The following MCM3 variants were observed in gnomAD, a reference collection of about 807,000 sequenced individuals.
MCM3 encodes the protein DNA replication licensing factor MCM3.
In MCM3, 59 loss-of-function variants were observed where a neutral mutation model predicts 91.3. That is an observed-to-expected ratio of 0.65 (90% CI 0.52 to 0.80). MCM3 has a LOEUF of 0.80. Among genes scored for constraint, MCM3 ranks in the 30% least tolerant of loss-of-function variants. The pLI is 0.00. For missense variants in MCM3, 919 were observed against 1,035.4 expected (o/e 0.89, Z 1.54); for synonymous variants, 383 against 379.6 (o/e 1.01, Z -0.10).
chr6:52,275,107 C>T (rs1765450956), intron 9 of MCM3, among the ~76,000 whole-genome samples: 1 of 152,170 alleles, frequency 6.6e-6, no homozygotes, highest in Non-Finnish European at 1.5e-5. Flanking sequence ...CTTGGCTACA[C>T]ATTAAAACCA....
chr6:52,266,066 C>A lies in MCM3; in HGVS notation c.2228+9G>T. 1 of 1,613,150 alleles carries A rather than the reference C, an allele frequency of 6.2e-7. No homozygotes were observed. Among genetic ancestry groups the A allele is most frequent in the South Asian group, 1.1e-5 (1 of 91,038 alleles). On this transcript the variant is annotated intron_variant, in intron 16 of 16. Transcript: ENST00000596288. ...TTCTTGAAGGGGCAGGAGCAACATCCGTACTCACCTGGATTCACTCAACTC... is the reference window on the plus strand; with the variant it reads ...TTCTTGAAGGGGCAGGAGCAACATCAGTACTCACCTGGATTCACTCAACTC...
chr6:52,276,571 T>A (rs1474890740), intron 8 of MCM3, 95 bp from the exon 9 acceptor site: 3 of 1,072,918 alleles, frequency 2.8e-6, no homozygotes, highest in African/African-American at 1.6e-5. Flanking sequence ...TCTCTCACTT[T>A]GCACGTGAGA....
intron 12 of MCM3, 152 bp downstream of exon 12, chr6:52,272,149 A>C: frequency 1.4e-6 from 1 of 700,170 alleles, no homozygotes; most frequent in Non-Finnish European, 2.2e-6. Context: ...TTCCTTTATA[A>C]AAGGAAATGA....
chr6:52,278,044 G>C (rs577301412), intron 6 of MCM3, among the ~76,000 whole-genome samples: 6 of 125,908 alleles, frequency 4.8e-5, no homozygotes, highest in Non-Finnish European at 9.4e-5. Flanking sequence ...CTCCAGCCTC[G>C]GTCACAGAGC....
In MCM3 at chr6:52,277,704, C is replaced by A; in HGVS notation, c.880-16G>T. 1 of 1,612,452 alleles carries A rather than the reference C, an allele frequency of 6.2e-7. No homozygotes were observed. The highest frequency in any genetic ancestry group is 8.5e-7 in the Non-Finnish European group (1 of 1,179,084). On this transcript the variant is annotated splice_polypyrimidine_tract_variant and intron_variant, in intron 6 of 16. Transcript: ENST00000596288. The stretch of plus-strand genomic sequence containing the variant: ...CAAAGATATCCTACAGGAGAAATAA[C>A]CAATGGCAAGCCTAGTGAGATTCAA...
chr6:52,264,931 G>T, intron 16 of MCM3, 145 bp from the exon 17 acceptor site: 1 of 691,132 alleles, frequency 1.4e-6, no homozygotes, highest in Non-Finnish European at 2.5e-6. Context: ...GCCTCTGATG[G>T]CAGTGCTACC....
chr6:52,271,866 T>C (rs1268956433), intron 12 of MCM3, among the ~76,000 whole-genome samples: 2 of 152,226 alleles, frequency 1.3e-5, no homozygotes, highest in Non-Finnish European at 2.9e-5. Context: ...TATGCTCAAA[T>C]AGCCTTTCAC....
At position 52,265,261 on chromosome 6, in the gene MCM3, G is replaced by C. The variant is rs138465945; in HGVS notation, c.2229-475C>G. 1.9e-3 allele frequency: 822 copies of C among 433,844 alleles called. 13 individuals are homozygous for C. The highest frequency in any genetic ancestry group is 0.015 in the African/African-American group (737 of 48,482). 26.9% of individuals were successfully genotyped at this position (433,844 alleles called of 1,614,324 possible). A position where few individuals can be genotyped will look rare whatever the true frequency, so the allele number is the denominator to read the frequency against. On this transcript the variant is annotated intron_variant, in intron 16 of 16. Transcript: ENST00000596288. The stretch of plus-strand genomic sequence containing the variant: ...ATGGAAACCCTGCAGTCATTAAAAA[G>C]AATGAGATCAAACAAGCACAGTGGC...
chr6:52,266,390 T>C (rs1411127084), intron 15 of MCM3, among the ~76,000 whole-genome samples: 1 of 152,124 alleles, frequency 6.6e-6, no homozygotes, highest in Non-Finnish European at 1.5e-5. Context: ...TTATACCAGG[T>C]GAAACAGCAC....
rs747659733 is a variant in MCM3 at position 52,282,828 on chromosome 6, G to A, written c.225C>T (p.Ala75=). 4 of 1,614,026 alleles carry A rather than the reference G, an allele frequency of 2.5e-6. No homozygotes were observed. The highest frequency in any genetic ancestry group is 3.4e-6 in the Non-Finnish European group (4 of 1,180,036). Residue 75 remains alanine, a synonymous_variant, in exon 3 of 17, where the codon GCC becomes GCT. Coordinates refer to ENST00000596288, the MANE Select transcript of MCM3 (RefSeq NM_002388.6). The stretch of plus-strand genomic sequence containing the variant: ...CAAAATCCTTTAAGGCCCGCTGGAA[G>A]GCAACCAGCTCCTCAAAGGCATTGT... ...LLNNAFEELV[A]FQRALKDFVA... is the part of the protein sequence containing the mutation.
At chr6:52,277,736 T>C (rs1259124442) in intron 6 of MCM3, 48 bp from the exon 7 acceptor site, 1 of 1,564,246 alleles carries the variant, frequency 6.4e-7, no homozygotes, top group Admixed American at 1.7e-5. Context: ...TCAATGGGAC[T>C]TTGTGGAGCT....
At position 52,266,118 on chromosome 6, in the gene MCM3, G is replaced by A; in HGVS notation, c.2185C>T (p.Gln729Ter). ...QVHTPKTADS[Q>*]ETKESQKVEL... ...ACTTTCTGGGATTCCTTGGTCTCCT[G>A]TGAGTCTGCCGTCTTTGGAGTGTGT... is the stretch of plus-strand genomic sequence containing the variant. The change falls in exon 16 of 17, where the codon CAG (glutamine) becomes TAG (stop). Residue 729 changes from glutamine (Q) to a stop codon, truncating the protein, a stop_gained. Transcript: ENST00000596288. LOFTEE classifies it high-confidence loss of function. 4 of 1,614,124 alleles carry A rather than the reference G, an allele frequency of 2.5e-6. No homozygotes were observed. The highest frequency in any genetic ancestry group is 3.4e-6 in the Non-Finnish European group (4 of 1,179,974).
At chr6:52,282,199 A>C (rs199539899) in intron 3 of MCM3, 24 bp from the exon 4 acceptor site, 198 of 1,613,542 alleles carry the variant, frequency 1.2e-4, no homozygotes, top group Non-Finnish European at 1.6e-4. Context: ...ATGTGCATAT[A>C]TAAACTCACC....
At chr6:52,283,513 G>T in intron 1 of MCM3, 107 bp from the exon 2 acceptor site, 1 of 779,674 alleles carries the variant, frequency 1.3e-6, no homozygotes, top group Non-Finnish European at 2.3e-6. Context: ...CTGCAGCAGA[G>T]CTGAATCCCC....
At chr6:52,275,795 C>T (rs1044936784) in intron 9 of MCM3, among the ~76,000 whole-genome samples, 1 of 152,206 alleles carries the variant, frequency 6.6e-6, no homozygotes. Flanking sequence ...ATATCTAGCA[C>T]ATCACAGTCA....
intron 15 of MCM3, 122 bp downstream of exon 15, chr6:52,266,489 A>G: frequency 1.2e-6 from 1 of 868,770 alleles, no homozygotes; most frequent in South Asian, 1.5e-5. Context: ...CCTCTTGGAC[A>G]TAGGCCCCAA....
chr6:52,271,280 A>G (rs1006253381), intron 12 of MCM3, among the ~76,000 whole-genome samples: 13 of 152,166 alleles, frequency 8.5e-5, no homozygotes, highest in Non-Finnish European at 1.8e-4. Context: ...TATGTAACAT[A>G]ATAAGAGTTC....
At chr6:52,272,530 A>G in intron 11 of MCM3, 79 bp from the exon 12 acceptor site, 1 of 1,560,432 alleles carries the variant, frequency 6.4e-7, no homozygotes, top group Non-Finnish European at 8.8e-7. Context: ...CCTCTCAGAA[A>G]AGCCAGGGTC....
chr6:52,265,169 T>C, intron 16 of MCM3: 2 of 338,402 alleles, frequency 5.9e-6, no homozygotes, highest in South Asian at 4.8e-5. Context: ...ACTGTTTTAC[T>C]GTAAACAGGG....
Sources: allele counts gnomAD v4.1 joint callset (sites outside exome capture counted in the v4.1 genomes callset), GRCh38; gene constraint gnomAD v4.1.1; transcripts MANE v1.5; gene names NCBI Gene and HGNC (gene_info 2026-07-23, HGNC 2026-07-21).